NALCN: variants seen among roughly 807,000 people sequenced by gnomAD.
NALCN encodes the protein sodium leak channel NALCN.
Under a neutral mutation model 225.3 loss-of-function variants are expected in NALCN, and 111 were observed. That is an observed-to-expected ratio of 0.49 (90% CI 0.42 to 0.58). The LOEUF (loss-of-function observed/expected upper bound fraction) is 0.58. NALCN is among the 20% of genes least tolerant of loss of function. The probability of loss-of-function intolerance (pLI) is 0.00; values close to 1 mark genes in which losing one functional copy is unlikely to be tolerated. For synonymous variants in NALCN, 764 were observed against 769.0 expected (o/e 0.99, Z 0.11); for missense variants, 1,378 against 2,202.4 (o/e 0.63, Z 7.49).
In NALCN at chr13:101,059,879, T is replaced by C; in HGVS notation, c.4844A>G (p.Glu1615Gly). Residue 1615 changes from glutamate to glycine, a missense_variant, in exon 42 of 44, where the codon GAG becomes GGG. Glu to Gly is a moderately conservative substitution (Grantham distance 98). Transcript: ENST00000251127. ...LSRFLNPPSI[E>G]TTQPSEDTNA... ...CGTGTCCTCACTGGGCTGGGTGGTC[T>C]CGATGCTGGGCGGGTTCAGAAACCG... 6.2e-7 allele frequency: 1 copy of C among 1,614,062 alleles called. No homozygotes were observed. Among genetic ancestry groups the C allele is most frequent in the Non-Finnish European group, 8.5e-7 (1 of 1,180,012 alleles).
chr13:101,160,672 T>G (rs554338045), intron 15 of NALCN, among the ~76,000 whole-genome samples: 12 of 152,324 alleles, frequency 7.9e-5, no homozygotes, highest in East Asian at 7.7e-4. Flanking sequence ...TTTTGTTTTT[T>G]TTTATGAAGG....
At chr13:101,176,932 G>A (rs1369297217) in intron 14 of NALCN, among the ~76,000 whole-genome samples, 1 of 152,158 alleles carries the variant, frequency 6.6e-6, no homozygotes, top group Non-Finnish European at 1.5e-5. Context: ...AATATGTCTG[G>A]CCTGTGTCAT....
intron 7 of NALCN, among the ~76,000 whole-genome samples, chr13:101,299,176 C>A (rs1390694500): frequency 1.3e-5 from 2 of 152,082 alleles, no homozygotes; most frequent in African/African-American, 4.8e-5. Flanking sequence ...CAACTAGGCA[C>A]TGGAAAGAAA....
At chr13:101,276,091 A>AGG (rs1217451463) in intron 10 of NALCN, among the ~76,000 whole-genome samples, 4 of 144,310 alleles carry the variant, frequency 2.8e-5, no homozygotes, top group Non-Finnish European at 4.6e-5. Flanking sequence ...AAAAAAAAAA[A>AGG]AGGAACAGGC....
At chr13:101,129,373 A>T (rs1384212370) in intron 17 of NALCN, among the ~76,000 whole-genome samples, 1 of 152,296 alleles carries the variant, frequency 6.6e-6, no homozygotes, top group Admixed American at 6.5e-5. Flanking sequence ...GTCCATGTCA[A>T]TTACCATTTC....
intron 41 of NALCN, among the ~76,000 whole-genome samples, chr13:101,061,471 T>A (rs2031932433): frequency 6.6e-6 from 1 of 151,880 alleles, no homozygotes; most frequent in Admixed American, 6.6e-5. Flanking sequence ...AACTTCTACC[T>A]CCCAGGTTCA....
intron 13 of NALCN, among the ~76,000 whole-genome samples, chr13:101,205,996 T>C (rs1276081856): frequency 1.3e-5 from 2 of 152,062 alleles, no homozygotes; most frequent in African/African-American, 2.4e-5. Context: ...TAGCTTTAAA[T>C]AGAAAGCAGC....
chr13:101,411,948 T>C (rs2139561079), intron 1 of NALCN, among the ~76,000 whole-genome samples: 1 of 152,336 alleles, frequency 6.6e-6, no homozygotes, highest in East Asian at 1.9e-4. Flanking sequence ...TTCAGGACGT[T>C]ATTTTATGTT....
At chr13:101,090,525 G>T (rs1056390051) in intron 28 of NALCN, among the ~76,000 whole-genome samples, 1 of 152,152 alleles carries the variant, frequency 6.6e-6, no homozygotes, top group Non-Finnish European at 1.5e-5. Context: ...GATGCATTTA[G>T]AGGTCACTGA....
chr13:101,406,540 T>C (rs1302435844), intron 1 of NALCN, among the ~76,000 whole-genome samples: 1 of 152,202 alleles, frequency 6.6e-6, no homozygotes, highest in Non-Finnish European at 1.5e-5. Context: ...TTACAAACTC[T>C]TGGCATCAAT....
chr13:101,335,747 T>C (rs2045357120), intron 7 of NALCN, among the ~76,000 whole-genome samples: 1 of 151,856 alleles, frequency 6.6e-6, no homozygotes, highest in Non-Finnish European at 1.5e-5. Context: ...CAATTACATA[T>C]TTTACAAATT....
At chr13:101,133,946 G>C (rs2036637650) in intron 17 of NALCN, among the ~76,000 whole-genome samples, 1 of 152,106 alleles carries the variant, frequency 6.6e-6, no homozygotes, top group South Asian at 2.1e-4. Context: ...GAGGTGGGTG[G>C]ATCACGAGGT....
At chr13:101,395,950 A>AC (rs2047279397) in intron 2 of NALCN, among the ~76,000 whole-genome samples, 1 of 152,188 alleles carries the variant, frequency 6.6e-6, no homozygotes, top group Admixed American at 6.5e-5. Context: ...TGTATCTGAT[A>AC]TATAATGCCT....
chr13:101,107,355 A>C, intron 22 of NALCN, 132 bp downstream of exon 22: 1 of 1,455,566 alleles, frequency 6.9e-7, no homozygotes, highest in South Asian at 1.3e-5. Flanking sequence ...AAAGAGGAGC[A>C]GCATGATTAA....
intron 3 of NALCN, among the ~76,000 whole-genome samples, chr13:101,393,260 A>C (rs982129549): frequency 1.3e-4 from 20 of 152,308 alleles, no homozygotes; most frequent in African/African-American, 4.8e-4. Context: ...ACTACAGTGG[A>C]TTACCGTTTC....
intron 6 of NALCN, chr13:101,373,064 G>C: frequency 5.1e-6 from 2 of 393,782 alleles, no homozygotes; most frequent in Non-Finnish European, 1.0e-5. Flanking sequence ...TAAACATTAT[G>C]CAATATTGAC....
At chr13:101,397,458 T>G (rs868301633) in intron 2 of NALCN, among the ~76,000 whole-genome samples, 1 of 151,016 alleles carries the variant, frequency 6.6e-6, no homozygotes, top group Non-Finnish European at 1.5e-5. Context: ...TATAAATATA[T>G]GTACACATTA....
intron 4 of NALCN, among the ~76,000 whole-genome samples, chr13:101,377,842 A>G (rs957923080): frequency 6.6e-6 from 1 of 151,864 alleles, no homozygotes; most frequent in African/African-American, 2.4e-5. Flanking sequence ...GATCAAATCA[A>G]ATCAATAGAA....
intron 3 of NALCN, among the ~76,000 whole-genome samples, chr13:101,386,993 G>A (rs567852484): frequency 2.9e-4 from 44 of 151,568 alleles, no homozygotes; most frequent in South Asian, 2.1e-4. Context: ...AGGCCGAGGC[G>A]GGTGGATCAT....
Sources: allele counts gnomAD v4.1 joint callset (sites outside exome capture counted in the v4.1 genomes callset), GRCh38; gene constraint gnomAD v4.1.1; transcripts MANE v1.5; gene names NCBI Gene and HGNC (gene_info 2026-07-23, HGNC 2026-07-21).